GJA3: variants seen among roughly 807,000 people sequenced by gnomAD.
GJA3 encodes the protein gap junction protein alpha 3, also known as gap junction alpha-3 protein.
For synonymous variants in GJA3, 297 were observed against 292.6 expected, an observed-to-expected ratio of 1.02 and a Z score of -0.15; for missense variants, 571 against 620.3, an observed-to-expected ratio of 0.92 and a Z score of 0.84.
upstream of GJA3, among the ~76,000 whole-genome samples, chr13:20,161,522 C>A (rs1285031223): frequency 6.6e-6 from 1 of 152,106 alleles, no homozygotes; most frequent in East Asian, 1.9e-4. Context: ...GCACCTAGGT[C>A]TCGCCCGCCT....
Position 20,142,409 on chromosome 13 carries a change from C to A in GJA3, c.880G>T (p.Ala294Ser). 6.7e-7 allele frequency: 1 copy of A among 1,501,830 alleles called. No homozygotes were observed. The highest frequency in any genetic ancestry group is 8.9e-7 in the Non-Finnish European group (1 of 1,125,668). The allele number at this position is 1,501,830 out of a possible 1,614,324, so 93.0% of individuals were successfully genotyped here. The change falls in exon 2 of 2, where the codon GCC (alanine) becomes TCC (serine). Residue 294 changes from alanine (A) to serine (S), a missense_variant. Coordinates refer to ENST00000241125, the MANE Select transcript of GJA3 (RefSeq NM_021954.4). The part of the protein sequence containing the change: ...AVGYPGAPPP[A>S]ADFKLLALTE... ...AGGGCTAGCAGTTTGAAGTCCGCGG[C>A]TGGTGGCGGGGCCCCGGGGTAGCCC...
Position 20,142,183 on chromosome 13 carries a change from C to A in GJA3, c.1106G>T (p.Gly369Val). Residue 369 changes from glycine to valine, a missense_variant, in exon 2 of 2, where the codon GGC becomes GTC. Gly to Val is a moderately radical substitution (Grantham distance 109, BLOSUM62 -3). Coordinates refer to ENST00000241125, the MANE Select transcript of GJA3 (RefSeq NM_021954.4). ...CCCATCCAGCAGCAGGGGCGCCGCG[C>A]CCGCCTCAGCCTCGTGCGCGAGTGG... The part of the protein sequence containing the change: ...SPPLAHEAEA[G>V]AAPLLLDGSG... 6.6e-7 allele frequency: 1 copy of A among 1,514,170 alleles called. No individual in the cohort carries two copies. Among genetic ancestry groups the A allele is most frequent in the Non-Finnish European group, 8.8e-7 (1 of 1,133,324 alleles). 93.8% of individuals were successfully genotyped at this position (1,514,170 alleles called of 1,614,324 possible). A position where few individuals can be genotyped will look rare whatever the true frequency, so the allele number is the denominator to read the frequency against.
rs148379336 is a variant in GJA3, at chr13:20,153,548, C to T, written c.-18+7342G>A. ...CATCGCAAGGACAGAAAACCAAACA[C>T]CACATGTTCTCACTCATAGGTGAGA... is the stretch of plus-strand genomic sequence containing the variant. On this transcript the variant is annotated intron_variant, in intron 1 of 1. Coordinates refer to ENST00000241125, the MANE Select transcript of GJA3 (RefSeq NM_021954.4). 3.9e-3 allele frequency among the ~76,000 whole-genome samples: 596 copies of T among 152,254 alleles called. 5 individuals are homozygous for T. Among genetic ancestry groups the T allele is most frequent in the African/African-American group, 0.014 (581 of 41,522 alleles).
In GJA3 at chr13:20,142,224, G is replaced by A; in HGVS notation, c.1065C>T (p.Val355=). 6.6e-7 allele frequency: 1 copy of A among 1,521,622 alleles called. No individual in the cohort carries two copies. Among genetic ancestry groups the A allele is most frequent in the East Asian group, 2.5e-5 (1 of 39,550 alleles). The allele number at this position is 1,521,622 out of a possible 1,614,324, so 94.3% of individuals were successfully genotyped here. A position where few individuals can be genotyped will look rare whatever the true frequency, so the allele number is the denominator to read the frequency against. Residue 355 remains valine, a synonymous_variant, in exon 2 of 2, where the codon GTC becomes GTT. Transcript: ENST00000241125. ...AASTPAAPSP[V]GSSSPPLAHE... ...GCGCGAGTGGCGGGGAGCTGCTGCC[G>A]ACGGGGCTGGGGGCTGCAGGCGTGG...
intron 1 of GJA3, among the ~76,000 whole-genome samples, chr13:20,147,443 A>G (rs996702222): frequency 2.6e-5 from 4 of 152,254 alleles, no homozygotes; most frequent in Non-Finnish European, 4.4e-5. Flanking sequence ...AATATAAAGT[A>G]GCCATTAGAT....
Position 20,155,388 on chromosome 13 carries a change from G to A in GJA3, c.-18+5502C>T, listed in dbSNP as rs532205727. Among the ~76,000 whole-genome samples the A allele has an allele frequency of 5.4e-4, 82 of 152,036 alleles. 1 individual carries two copies. The highest frequency in any genetic ancestry group is 9.3e-4 in the Non-Finnish European group (63 of 68,006). ...TTTTTTTTAGGGGGGTAGGAGGGAA[G>A]ACTTAATTACAAATTTAATTTCATT... On this transcript the variant is annotated intron_variant, in intron 1 of 1. Transcript: ENST00000241125.
At chr13:20,157,344 T>C (rs994824277) in intron 1 of GJA3, among the ~76,000 whole-genome samples, 9 of 152,180 alleles carry the variant, frequency 5.9e-5, no homozygotes, top group Admixed American at 5.2e-4. Context: ...ATAAACACAG[T>C]GCAGTCAGTT....
intron 1 of GJA3, among the ~76,000 whole-genome samples, chr13:20,158,912 C>CAAAAAAAAAAAAAAAAAAAAAAAAAAA (rs1159654355): frequency 2.7e-4 from 15 of 54,954 alleles, no homozygotes; most frequent in South Asian, 1.0e-3. Context: ...GCAAAACTCT[C>CAAAAAAAAAAAAAAAAAAAAAAAAAAA]AAAAAAAAAA....
rs1198050219 is a variant in GJA3, at chr13:20,142,212, G to A, written c.1077C>T (p.Ser359=). ...PAAPSPVGSS[S]PPLAHEAEAG... ...CCTCAGCCTCGTGCGCGAGTGGCGG[G>A]GAGCTGCTGCCGACGGGGCTGGGGG... Residue 359 remains serine (S), a synonymous_variant, in exon 2 of 2, where the codon TCC becomes TCT. Coordinates refer to ENST00000241125, the MANE Select transcript of GJA3 (RefSeq NM_021954.4). 1 of 1,517,748 alleles carries A rather than the reference G, an allele frequency of 6.6e-7. No individual in the cohort carries two copies. Among genetic ancestry groups the A allele is most frequent in the South Asian group, 1.2e-5 (1 of 81,234 alleles). The allele number at this position is 1,517,748 out of a possible 1,614,324, so 94.0% of individuals were successfully genotyped here.
intron 1 of GJA3, among the ~76,000 whole-genome samples, chr13:20,158,929 A>G (rs926676380): frequency 1.2e-4 from 18 of 150,864 alleles, no homozygotes; most frequent in African/African-American, 4.4e-4. Context: ...AAAAAAAAAA[A>G]AAAAAAAGAA....
chr13:20,161,224 G>C (rs1274267715), upstream of GJA3, among the ~76,000 whole-genome samples: 1 of 152,068 alleles, frequency 6.6e-6, no homozygotes, highest in Non-Finnish European at 1.5e-5. Flanking sequence ...ACCCTACCCC[G>C]CGCGCACGTC....
chr13:20,160,264 C>CCTG (rs1566520935), intron 1 of GJA3, among the ~76,000 whole-genome samples: 1 of 152,134 alleles, frequency 6.6e-6, no homozygotes. Context: ...TCATAACAAA[C>CCTG]ATACAGGTCG....
chr13:20,146,802 C>T (rs1248379811), intron 1 of GJA3, among the ~76,000 whole-genome samples: 1 of 152,212 alleles, frequency 6.6e-6, no homozygotes. Flanking sequence ...AATGTGTGTG[C>T]ATGGCATATT....
intron 1 of GJA3, among the ~76,000 whole-genome samples, chr13:20,155,930 T>C (rs1958904506): frequency 6.6e-6 from 1 of 152,166 alleles, no homozygotes; most frequent in Admixed American, 6.5e-5. Context: ...GTTTCAATAA[T>C]CTAATGCTGT....
rs1215647185 is a variant in GJA3 at position 20,140,275 on chromosome 13, A to C, written c.*1706T>G. The C allele has an allele frequency of 3.3e-5, 5 of 152,196 alleles. No individual in the cohort carries two copies. The highest frequency in any genetic ancestry group is 4.1e-4 in the South Asian group (2 of 4,834). 9.4% of individuals were successfully genotyped at this position (152,196 alleles called of 1,614,324 possible). A position where few individuals can be genotyped will look rare whatever the true frequency, so the allele number is the denominator to read the frequency against. On this transcript the variant is annotated 3_prime_UTR_variant, in exon 2 of 2. Coordinates refer to ENST00000241125, the MANE Select transcript of GJA3 (RefSeq NM_021954.4). ...TAGGAGCCTGTCCAGTGCATCCTAC[A>C]GCAAGCAGAATGTACTAACAAATTC...
At chr13:20,144,029 G>A (rs1212111967) in intron 1 of GJA3, among the ~76,000 whole-genome samples, 1 of 152,216 alleles carries the variant, frequency 6.6e-6, no homozygotes, top group African/African-American at 2.4e-5. Context: ...CTGGATGTAA[G>A]CTCTCTTGTT....
In GJA3 at chr13:20,142,284, C is replaced by T; in HGVS notation, c.1005G>A (p.Arg335=). The part of the protein sequence containing the change: ...EQNWANQAAE[R]QPPALKAYPA... ...GGTAAGCCTTGAGCGCCGGGGGCTG[C>T]CGCTCGGCCGCCTGGTTGGCCCAGT... Residue 335 remains arginine, a synonymous_variant, in exon 2 of 2, where the codon CGG becomes CGA. Transcript: ENST00000241125. The T allele has an allele frequency of 6.4e-7, 1 of 1,567,716 alleles. No individual in the cohort carries two copies. The highest frequency in any genetic ancestry group is 8.6e-7 in the Non-Finnish European group (1 of 1,159,270).
chr13:20,147,065 A>G (rs1958847342), intron 1 of GJA3, among the ~76,000 whole-genome samples: 1 of 152,212 alleles, frequency 6.6e-6, no homozygotes, highest in Non-Finnish European at 1.5e-5. Context: ...CTGCTGGGGA[A>G]TGTCTGGGAA....
In GJA3 at chr13:20,139,037, G is replaced by A. The variant is rs1566513052; in HGVS notation, c.*2944C>T. On this transcript the variant is annotated 3_prime_UTR_variant, in exon 2 of 2. Transcript: ENST00000241125. ...GGATAAATGAGAAAGATGCTGGCTTGCTATTTTTCTTTTGTAAATTTAAGG... is the reference window on the plus strand; with the variant it reads ...GGATAAATGAGAAAGATGCTGGCTTACTATTTTTCTTTTGTAAATTTAAGG... The A allele has an allele frequency of 4.6e-5, 7 of 152,190 alleles. No homozygotes were observed. In the South Asian group the frequency reaches 1.5e-3, roughly 32 times the overall value. The allele number at this position is 152,190 out of a possible 1,614,324, so 9.4% of individuals were successfully genotyped here.
Sources: gnomAD v4.1 joint callset for allele counts (sites outside exome capture counted in the v4.1 genomes callset) on GRCh38, gnomAD v4.1.1 for gene constraint, MANE v1.5 for transcripts, NCBI Gene and HGNC (gene_info 2026-07-23, HGNC 2026-07-21) for gene names.